The following CPT1B variants were observed in gnomAD, a reference collection of about 807,000 sequenced individuals.
The protein encoded by CPT1B is carnitine O-palmitoyltransferase 1, muscle isoform.
In CPT1B, 57 loss-of-function variants were observed where a neutral mutation model predicts 92.7. The ratio of observed to expected loss-of-function variants is 0.62; its 90% confidence interval spans 0.50 to 0.77. The LOEUF (loss-of-function observed/expected upper bound fraction) is 0.77. Ranked by LOEUF, CPT1B falls within the 30% of genes least tolerant of loss-of-function variation. CPT1B has a pLI of 0.00. For synonymous variants in CPT1B, 398 were observed against 383.5 expected (o/e 1.04, Z -0.44); for missense variants, 983 against 1,017.4 (o/e 0.97, Z 0.46).
In CPT1B at chr22:50,576,379, C is replaced by CT. The variant is rs781202505; in HGVS notation, c.562-45dup. On this transcript the variant is annotated intron_variant, in intron 5 of 19. Coordinates refer to ENST00000312108, the MANE Select transcript of CPT1B (RefSeq NM_152246.3). The stretch of plus-strand genomic sequence containing the variant: ...TCACCGTGGGGCCAGATGGCAAGGG[C>CT]TGCCTCTATCTTAATCCTCTTCCCA... The CT allele has an allele frequency of 5.0e-6, 8 of 1,612,988 alleles. No individual in the cohort carries two copies. In the South Asian group the frequency reaches 8.8e-5, roughly 18 times the overall value.
chr22:50,571,645 G>A (rs768123435), intron 13 of CPT1B, 106 bp from the exon 14 acceptor site: 16 of 1,263,928 alleles, frequency 1.3e-5, no homozygotes, highest in African/African-American at 4.4e-5. Flanking sequence ...GGGCACAGCC[G>A]GCCAAGACAT....
intron 4 of CPT1B, 35 bp downstream of exon 4, chr22:50,576,822 C>T: frequency 2.5e-6 from 4 of 1,612,682 alleles, no homozygotes; most frequent in Non-Finnish European, 3.4e-6. Context: ...AGTCTCAACC[C>T]AGGTGCCTGA....
Position 50,569,602 on chromosome 22 carries a change from A to G in CPT1B, c.2209T>C (p.Ser737Pro). Residue 737 changes from serine to proline, a missense_variant, in exon 18 of 20, where the codon TCC (serine) becomes CCC (proline). Ser to Pro is a moderately conservative substitution (Grantham distance 74). Transcript: ENST00000312108. ...AGENTIFFHI[S>P]SKFSSSETNA... ...GTCTCTGAGCTTGAGAACTTGCTGGAGATGTGGAAGAAGATCGTGTTCTCG... is the reference window on the plus strand; with the variant it reads ...GTCTCTGAGCTTGAGAACTTGCTGGGGATGTGGAAGAAGATCGTGTTCTCG... 1 of 1,614,024 alleles carries G rather than the reference A, an allele frequency of 6.2e-7. No individual in the cohort carries two copies. The highest frequency in any genetic ancestry group is 8.5e-7 in the Non-Finnish European group (1 of 1,180,004).
chr22:50,570,851 G>C (rs1200122344), intron 16 of CPT1B, 40 bp downstream of exon 16: 2 of 1,600,966 alleles, frequency 1.2e-6, no homozygotes, highest in Admixed American at 3.4e-5. Flanking sequence ...GCGTGTAGGA[G>C]GGCAGTGGGA....
At chr22:50,570,761 C>A (rs2070126885) in intron 16 of CPT1B, 130 bp downstream of exon 16, 2 of 1,280,896 alleles carry the variant, frequency 1.6e-6, no homozygotes, top group African/African-American at 3.0e-5. Context: ...GGCGGGAAAG[C>A]TGGCCCAGCA....
rs759246729 is a variant in CPT1B at position 50,570,235 on chromosome 22, G to A, written c.2142+58C>T. The A allele has an allele frequency of 2.9e-5, 38 of 1,308,758 alleles. No homozygotes were observed. In the East Asian group the frequency reaches 3.8e-4, roughly 13 times the overall value. 81.1% of individuals were successfully genotyped at this position (1,308,758 alleles called of 1,614,324 possible). On this transcript the variant is annotated intron_variant, in intron 17 of 19. Coordinates refer to ENST00000312108, the MANE Select transcript of CPT1B (RefSeq NM_152246.3). ...TCGTCTGACCTCAGGGCCTGCACTC[G>A]CCACTGAAACCCTCAGGGCCCTGGT...
At chr22:50,575,557 A>G (rs1289482699) in intron 7 of CPT1B, among the ~76,000 whole-genome samples, 1 of 152,184 alleles carries the variant, frequency 6.6e-6, no homozygotes, top group Non-Finnish European at 1.5e-5. Flanking sequence ...AGAGACTCAG[A>G]AGGGCCAGTT....
Position 50,573,236 on chromosome 22 carries a change from G to A in CPT1B, c.1167-176C>T, listed in dbSNP as rs557190903. 15 of 610,938 alleles carry A rather than the reference G, an allele frequency of 2.5e-5. No individual in the cohort carries two copies. Among genetic ancestry groups the A allele is most frequent in the East Asian group, 1.7e-4 (6 of 35,858 alleles). 37.8% of individuals were successfully genotyped at this position (610,938 alleles called of 1,614,324 possible). A position where few individuals can be genotyped will look rare whatever the true frequency, so the allele number is the denominator to read the frequency against. Reference sequence around the variant, plus strand: ...AGGCTGGGCCTGGAGGTGTTGGGGTGCGTGCCAGGCTGCGCCTGGAGGTGG... The same window carrying A: ...AGGCTGGGCCTGGAGGTGTTGGGGTACGTGCCAGGCTGCGCCTGGAGGTGG... On this transcript the variant is annotated intron_variant, in intron 10 of 19. Transcript: ENST00000312108. The surrounding 1 kb of genome is among the most constrained non-coding windows in gnomAD (Gnocchi z 5.0).
intron 7 of CPT1B, 42 bp downstream of exon 7, chr22:50,575,993 A>C: frequency 5.2e-5 from 83 of 1,582,118 alleles, no homozygotes; most frequent in Non-Finnish European, 6.8e-5. Context: ...GAGCTGGGAC[A>C]GAGCTGAGCA....
rs964076185 is a variant in CPT1B at position 50,570,493 on chromosome 22, C to G, written c.2029-87G>C. 5 of 1,092,058 alleles carry G rather than the reference C, an allele frequency of 4.6e-6. No homozygotes were observed. In the Admixed American group the frequency reaches 7.4e-5, roughly 16 times the overall value. 67.6% of individuals were successfully genotyped at this position (1,092,058 alleles called of 1,614,324 possible). A position where few individuals can be genotyped will look rare whatever the true frequency, so the allele number is the denominator to read the frequency against. ...TGTCTGCGACCTACTCTGAGCCAGA[C>G]ACGGTTCTGCTGAGGGTGCAGGAGC... On this transcript the variant is annotated intron_variant, in intron 16 of 19. Transcript: ENST00000312108.
intron 6 of CPT1B, 36 bp downstream of exon 6, chr22:50,576,162 T>C: frequency 6.2e-7 from 1 of 1,614,070 alleles, no homozygotes; most frequent in South Asian, 1.1e-5. Context: ...CCAGGACACA[T>C]GGCAGGTGAC....
chr22:50,570,510 T>C, intron 16 of CPT1B, 104 bp from the exon 17 acceptor site: 2 of 913,578 alleles, frequency 2.2e-6, no homozygotes, highest in Non-Finnish European at 3.3e-6. Flanking sequence ...CTGCTGAGGG[T>C]GCAGGAGCTC....
chr22:50,577,199 G>A lies in CPT1B; in HGVS notation c.281+125C>T. 5 of 1,404,458 alleles carry A rather than the reference G, an allele frequency of 3.6e-6. No homozygotes were observed. The South Asian group carries it at 6.4e-5, about 18-fold the overall frequency. The allele number at this position is 1,404,458 out of a possible 1,614,324, so 87.0% of individuals were successfully genotyped here. A position where few individuals can be genotyped will look rare whatever the true frequency, so the allele number is the denominator to read the frequency against. ...GGGCTAAGACAATGGTTGTCATAGG[G>A]GAGGGCTGCCCCGTGACTGCCAATG... On this transcript the variant is annotated intron_variant, in intron 3 of 19. Transcript: ENST00000312108.
intron 12 of CPT1B, 21 bp from the exon 13 acceptor site, chr22:50,572,143 TGA>T (rs768321036): frequency 2.5e-6 from 4 of 1,608,628 alleles, no homozygotes; most frequent in Non-Finnish European, 3.4e-6. Flanking sequence ...AGGATGAGAC[TGA>T]GAGGCTGGCC....
Position 50,577,861 on chromosome 22 carries a change from C to T in CPT1B, c.55G>A (p.Val19Ile). 2.5e-6 allele frequency: 4 copies of T among 1,613,666 alleles called. No individual in the cohort carries two copies. The African/African-American group carries it at 4.0e-5, about 16-fold the overall frequency. Residue 19 changes from valine (V) to isoleucine (I), a missense_variant, in exon 2 of 20, where the codon GTC becomes ATC. Val to Ile is a conservative substitution (Grantham distance 29). Transcript: ENST00000312108. ...AFQFTVTPDGVDFRLSREALK... is the reference protein window; with the variant it reads ...AFQFTVTPDGIDFRLSREALK... ...GCCTCCCGACTGAGCCGGAAGTCGA[C>T]CCCGTCTGGGGTCACCGTGAACTGG...
chr22:50,578,000 C>T, intron 1 of CPT1B, 66 bp from the exon 2 acceptor site: 2 of 1,191,302 alleles, frequency 1.7e-6, no homozygotes, highest in Non-Finnish European at 2.2e-6. Flanking sequence ...CGCGCCGAGA[C>T]GCCCCCAGCC....
intron 13 of CPT1B, 79 bp downstream of exon 13, chr22:50,571,927 A>G (rs2070194215): frequency 1.5e-6 from 2 of 1,299,352 alleles, no homozygotes; most frequent in Admixed American, 3.4e-5. Context: ...GCAGGGGAGG[A>G]GGAGGCTCAG....
intron 17 of CPT1B, 53 bp from the exon 18 acceptor site, chr22:50,569,721 A>C: frequency 7.0e-7 from 1 of 1,432,730 alleles, no homozygotes; most frequent in South Asian, 1.1e-5. Flanking sequence ...TGAAGATCTG[A>C]AAGCCAAGCT....
rs769228009 is a variant in CPT1B at position 50,573,110 on chromosome 22, G to T, written c.1167-50C>A. 6 of 1,516,498 alleles carry T rather than the reference G, an allele frequency of 4.0e-6. No homozygotes were observed. Among genetic ancestry groups the T allele is most frequent in the African/African-American group, 1.4e-5 (1 of 72,918 alleles). The allele number at this position is 1,516,498 out of a possible 1,614,324, so 93.9% of individuals were successfully genotyped here. ...GTGGGCACGTGGACTTGGGATGAGG[G>T]TGCCTCTGAGGGCCTGGCTGGACCT... On this transcript the variant is annotated intron_variant, in intron 10 of 19. Transcript: ENST00000312108. This position sits in a 1 kb window ranked among gnomAD's most constrained non-coding sequence, Gnocchi z 5.0.
Sources: allele counts gnomAD v4.1 joint callset (sites outside exome capture counted in the v4.1 genomes callset), GRCh38; gene constraint gnomAD v4.1.1; non-coding constraint Gnocchi (gnomAD v3.1); transcripts MANE v1.5; gene names NCBI Gene and HGNC (gene_info 2026-07-23, HGNC 2026-07-21).